Variants in AGO2 observed in about 807,000 individuals in gnomAD.
AGO2 encodes argonaute RISC catalytic component 2.
Under a neutral mutation model 102.3 loss-of-function variants are expected in AGO2, and 5 were observed. That is an observed-to-expected ratio of 0.05 (90% CI 0.03 to 0.10). The LOEUF (loss-of-function observed/expected upper bound fraction) is 0.10. AGO2 is among the 10% of genes least tolerant of loss of function. The pLI is 1.00. For missense variants in AGO2, 541 were observed against 1,183.7 expected, an observed-to-expected ratio of 0.46 and a Z score of 7.97; for synonymous variants, 449 against 473.1, an observed-to-expected ratio of 0.95 and a Z score of 0.66.
In AGO2 at chr8:140,609,789, G is replaced by A. The variant is rs533477448; in HGVS notation, c.23-24478C>T. 5.3e-5 allele frequency among the ~76,000 whole-genome samples: 8 copies of A among 152,282 alleles called. No homozygotes were observed. The South Asian group carries it at 1.5e-3, about 28-fold the overall frequency. On this transcript the variant is annotated intron_variant, in intron 1 of 18. Coordinates refer to ENST00000220592, the MANE Select transcript of AGO2 (RefSeq NM_012154.5). Reference sequence around the variant, plus strand: ...AATGACTGCCCGGAAAAAGACAAAAGACAGACTACAACAGCCAGGCACGGG... The same window carrying A: ...AATGACTGCCCGGAAAAAGACAAAAAACAGACTACAACAGCCAGGCACGGG...
chr8:140,572,674 A>C (rs2073398121), intron 3 of AGO2, 138 bp downstream of exon 3: 2 of 1,250,016 alleles, frequency 1.6e-6, no homozygotes, highest in Non-Finnish European at 2.2e-6. Context: ...TCTCAGGACG[A>C]AGCATGTGGC....
chr8:140,542,199 C>G (rs1056711280), intron 14 of AGO2, among the ~76,000 whole-genome samples: 2 of 152,110 alleles, frequency 1.3e-5, no homozygotes, highest in Admixed American at 6.5e-5. Context: ...TGGAGGGAAC[C>G]GGGTAGATCC....
intron 14 of AGO2, among the ~76,000 whole-genome samples, chr8:140,543,000 G>A (rs1564076509): frequency 6.6e-6 from 1 of 152,202 alleles, no homozygotes. Context: ...AGCCAGCCAT[G>A]ATGACAGGTG....
chr8:140,578,175 G>A (rs1445437975), intron 2 of AGO2, among the ~76,000 whole-genome samples: 5 of 152,210 alleles, frequency 3.3e-5, no homozygotes, highest in South Asian at 4.1e-4. Context: ...ACTGGACCTC[G>A]TGGCTGTGGC....
rs2073710414 is a variant in AGO2, at chr8:140,589,201, G to T, written c.23-3890C>A. ...GGCCATCTAAGTAAGGGACAGGGAT[G>T]GGGGAAAGTTGGTGCATGAAGAATA... On this transcript the variant is annotated intron_variant, in intron 1 of 18. Coordinates refer to ENST00000220592, the MANE Select transcript of AGO2 (RefSeq NM_012154.5). The surrounding 1 kb of genome is among the most constrained non-coding windows in gnomAD (Gnocchi z 4.2). Among the ~76,000 whole-genome samples, 1 of 152,222 alleles carries T rather than the reference G, an allele frequency of 6.6e-6. No homozygotes were observed.
rs142051728 is a variant in AGO2, at chr8:140,551,368, G to A, written c.1338C>T (p.Ile446=). The A allele has an allele frequency of 5.4e-5, 86 of 1,599,774 alleles. No individual in the cohort carries two copies. The African/African-American group carries it at 6.0e-4, about 11-fold the overall frequency. ...ACGCAATGGCCCACACCTTGATCTC[G>A]ATGCCCGTGTGGAACTGCTTGTTCC... ...DMRNKQFHTG[I]EIKVWAIACF... The change falls in exon 11 of 19, where the codon ATC becomes ATT. Residue 446 remains isoleucine (I), a synonymous_variant. Transcript: ENST00000220592.
intron 14 of AGO2, among the ~76,000 whole-genome samples, chr8:140,541,826 C>T (rs976637749): frequency 6.6e-6 from 1 of 152,054 alleles, no homozygotes; most frequent in Admixed American, 6.6e-5. Context: ...CTGCTTGAAC[C>T]CAGGAGGCGG....
At chr8:140,624,557 T>G (rs1385036645) in intron 1 of AGO2, among the ~76,000 whole-genome samples, 1 of 152,192 alleles carries the variant, frequency 6.6e-6, no homozygotes, top group Non-Finnish European at 1.5e-5. Flanking sequence ...ACGGCAGCAC[T>G]GAGCAGCCAG....
chr8:140,545,779 C>T (rs527621260), intron 13 of AGO2, among the ~76,000 whole-genome samples: 225 of 152,366 alleles, frequency 1.5e-3, no homozygotes, highest in African/African-American at 5.1e-3. Flanking sequence ...GATGCTCCCA[C>T]TCTGTGCCCC....
intron 3 of AGO2, among the ~76,000 whole-genome samples, chr8:140,565,061 G>A (rs932605869): frequency 6.6e-6 from 1 of 152,044 alleles, no homozygotes; most frequent in African/African-American, 2.4e-5. Flanking sequence ...TTAAACCTGG[G>A]AGGCAGAGGT....
rs376268859 is a variant in AGO2 at position 140,623,653 on chromosome 8, T to C, written c.22+11832A>G. Among the ~76,000 whole-genome samples the C allele has an allele frequency of 2.6e-5, 4 of 152,096 alleles. No individual in the cohort carries two copies. In the East Asian group the frequency reaches 7.8e-4, roughly 30 times the overall value. On this transcript the variant is annotated intron_variant, in intron 1 of 18. Coordinates refer to ENST00000220592, the MANE Select transcript of AGO2 (RefSeq NM_012154.5). ...CATGCTTCCCTCCCGTGCACACCTG[T>C]TACCTGTCTCCATCAGTGCTATGGA...
In AGO2 at chr8:140,558,522, C is replaced by T; in HGVS notation, c.841G>A (p.Val281Ile). ...GCGGGCCGCCGGGTCACATTGCAGACGCGGTACTTCCTCTTCATCTGCCCA... is the reference window on the plus strand; with the variant it reads ...GCGGGCCGCCGGGTCACATTGCAGATGCGGTACTTCCTCTTCATCTGCCCA... Reference protein sequence around the residue: ...HCGQMKRKYRVCNVTRRPASH... With the variant: ...HCGQMKRKYRICNVTRRPASH... The change falls in exon 7 of 19, where the codon GTC (valine) becomes ATC (isoleucine). Residue 281 changes from valine (V) to isoleucine (I), a missense_variant. By Grantham distance (29) the Val-to-Ile change is conservative. This residue lies in a region of AGO2 where 38 missense variants were observed against 68.1 expected (regional missense o/e 0.56). Coordinates refer to ENST00000220592, the MANE Select transcript of AGO2 (RefSeq NM_012154.5). The T allele has an allele frequency of 6.2e-7, 1 of 1,614,214 alleles. No homozygotes were observed. Among genetic ancestry groups the T allele is most frequent in the Non-Finnish European group, 8.5e-7 (1 of 1,180,036 alleles).
chr8:140,595,897 A>T, intron 1 of AGO2, among the ~76,000 whole-genome samples: 3 of 120,920 alleles, frequency 2.5e-5, no homozygotes, highest in African/African-American at 9.9e-5. Context: ...AATTATATAT[A>T]TTATGTATTA....
chr8:140,535,264 G>A, intron 17 of AGO2: 1 of 585,938 alleles, frequency 1.7e-6, no homozygotes, highest in South Asian at 2.0e-5. Flanking sequence ...TCCTTTTTCT[G>A]GGAGGCTCAT....
chr8:140,634,764 G>T (rs1029759464), intron 1 of AGO2, among the ~76,000 whole-genome samples: 1 of 152,338 alleles, frequency 6.6e-6, no homozygotes, highest in Admixed American at 6.5e-5. Flanking sequence ...GAATGAGAAC[G>T]AGCCGCGCAC....
intron 1 of AGO2, 26 bp downstream of exon 1, chr8:140,635,459 C>G (rs1194996264): frequency 1.0e-6 from 1 of 979,622 alleles, no homozygotes; most frequent in Admixed American, 6.4e-5. Flanking sequence ...AACGGCCGGG[C>G]GGGCGCCCCG....
upstream of AGO2, among the ~76,000 whole-genome samples, chr8:140,639,945 G>A (rs2074431305): frequency 6.6e-6 from 1 of 152,100 alleles, no homozygotes; most frequent in Non-Finnish European, 1.5e-5. Context: ...GCTTCTTCAG[G>A]TAACCATCTC....
intron 2 of AGO2, among the ~76,000 whole-genome samples, chr8:140,577,293 C>T (rs941435615): frequency 4.0e-5 from 6 of 151,266 alleles, no homozygotes; most frequent in Non-Finnish European, 7.4e-5. Context: ...AATGATTCCA[C>T]GTATAGGAAA....
At chr8:140,635,802 G>A (rs1336973206), upstream of AGO2, among the ~76,000 whole-genome samples, 2 of 143,616 alleles carry the variant, frequency 1.4e-5, no homozygotes, top group Non-Finnish European at 1.5e-5. Context: ...GGCGGCGGCG[G>A]CGGCGGCGCC....
Sources: allele counts gnomAD v4.1 joint callset (sites outside exome capture counted in the v4.1 genomes callset), GRCh38; gene constraint gnomAD v4.1.1; regional missense constraint gnomAD v4.1.1; non-coding constraint Gnocchi (gnomAD v3.1); transcripts MANE v1.5; gene names NCBI Gene and HGNC (gene_info 2026-07-23, HGNC 2026-07-21).